The following PPM1B variants were observed in gnomAD, a reference collection of about 807,000 sequenced individuals.
PPM1B encodes the protein protein phosphatase, Mg2+/Mn2+ dependent 1B.
In PPM1B, 22 loss-of-function variants were observed where a neutral mutation model predicts 43.0. The ratio of observed to expected loss-of-function variants is 0.51; its 90% CI spans 0.37 to 0.73. The LOEUF (loss-of-function observed/expected upper bound fraction) is 0.73, where lower values mean the gene tolerates loss of function less well. Ranked by LOEUF, PPM1B falls within the 30% of genes least tolerant of loss-of-function variation. PPM1B has a pLI of 0.00. For missense variants in PPM1B, 632 were observed against 584.2 expected (o/e 1.08, Z -0.84); for synonymous variants, 217 against 197.9 (o/e 1.10, Z -0.81).
chr2:44,209,081 A>G, intron 2 of PPM1B, 129 bp from the exon 3 acceptor site: 1 of 808,994 alleles, frequency 1.2e-6, no homozygotes, highest in East Asian at 2.9e-5. Context: ...TCATTGGAAT[A>G]AAAATGAATG....
At chr2:44,199,329 A>AT (rs1374989580) in intron 1 of PPM1B, among the ~76,000 whole-genome samples, 5 of 144,842 alleles carry the variant, frequency 3.5e-5, no homozygotes, top group African/African-American at 1.3e-4. Flanking sequence ...AAAAATAAAA[A>AT]AAAAAAAAAT....
intron 1 of PPM1B, among the ~76,000 whole-genome samples, chr2:44,173,593 C>G (rs1667450600): frequency 6.6e-6 from 1 of 152,112 alleles, no homozygotes; most frequent in South Asian, 2.1e-4. Flanking sequence ...TTTACTATAA[C>G]TAATCACATC....
downstream of PPM1B, chr2:44,232,832 A>G (rs758328708): frequency 2.6e-4 from 250 of 972,988 alleles, no homozygotes; most frequent in South Asian, 6.6e-4. Context: ...AGCAATTTCT[A>G]TAGGATATGT....
At chr2:44,178,471 TA>T (rs1303801964) in intron 1 of PPM1B, among the ~76,000 whole-genome samples, 310 of 70,838 alleles carry the variant, frequency 4.4e-3, no homozygotes, top group African/African-American at 0.014. Flanking sequence ...TATATATATA[TA>T]TATTTTTTTT....
At chr2:44,180,009 CA>C (rs766537523) in intron 1 of PPM1B, among the ~76,000 whole-genome samples, 21,233 of 83,718 alleles carry the variant, frequency 0.25, 1,245 homozygotes, top group South Asian at 0.32. Flanking sequence ...AACTTCGTTC[CA>C]AAAAAAAAAA....
At chr2:44,218,773 T>C (rs1034071317) in intron 5 of PPM1B, 2 of 459,382 alleles carry the variant, frequency 4.4e-6, no homozygotes, top group Non-Finnish European at 8.1e-6. Flanking sequence ...AATGACCTTT[T>C]TTGTTTGGGC....
downstream of PPM1B, among the ~76,000 whole-genome samples, chr2:44,246,161 C>G (rs996365587): frequency 6.6e-6 from 1 of 152,160 alleles, no homozygotes; most frequent in African/African-American, 2.4e-5. Context: ...GTATGCAACC[C>G]AGAACTGAAC....
At chr2:44,170,775 A>G (rs1667298929) in intron 1 of PPM1B, among the ~76,000 whole-genome samples, 1 of 152,372 alleles carries the variant, frequency 6.6e-6, no homozygotes, top group East Asian at 1.9e-4. Context: ...TTTTAAAAAT[A>G]TAGTTGAAGT....
chr2:44,176,798 T>C (rs1350905497), intron 1 of PPM1B, among the ~76,000 whole-genome samples: 1 of 152,254 alleles, frequency 6.6e-6, no homozygotes, highest in Non-Finnish European at 1.5e-5. Flanking sequence ...AGATTGATTT[T>C]TTTAATTTTA....
At chr2:44,198,059 C>T (rs138315982) in intron 1 of PPM1B, among the ~76,000 whole-genome samples, 63 of 152,264 alleles carry the variant, frequency 4.1e-4, no homozygotes, top group Admixed American at 1.4e-3. Context: ...TCTTAAGCCA[C>T]GCTTGCCAAT....
intron 5 of PPM1B, among the ~76,000 whole-genome samples, chr2:44,220,637 T>C (rs1048508491): frequency 2.6e-5 from 4 of 152,198 alleles, no homozygotes; most frequent in Non-Finnish European, 4.4e-5. Flanking sequence ...ACCCCACCTG[T>C]GTGTCTAGTG....
chr2:44,208,451 G>T (rs1572725410), intron 2 of PPM1B, among the ~76,000 whole-genome samples: 1 of 152,040 alleles, frequency 6.6e-6, no homozygotes, highest in Non-Finnish European at 1.5e-5. Context: ...GGTGGCTCAT[G>T]CCTATAATCC....
chr2:44,181,756 T>C (rs781132171), intron 1 of PPM1B, among the ~76,000 whole-genome samples: 6 of 152,150 alleles, frequency 3.9e-5, no homozygotes, highest in Non-Finnish European at 8.8e-5. Flanking sequence ...ATGTTATATT[T>C]GAAGAGAGAT....
chr2:44,211,208 C>G (rs537885662), intron 3 of PPM1B, among the ~76,000 whole-genome samples: 6 of 152,278 alleles, frequency 3.9e-5, no homozygotes, highest in African/African-American at 1.2e-4. Context: ...TTAAATTTCC[C>G]TAATTATCCC....
chr2:44,208,937 A>G (rs1383050543), intron 2 of PPM1B, among the ~76,000 whole-genome samples: 5 of 152,206 alleles, frequency 3.3e-5, no homozygotes, highest in Non-Finnish European at 7.3e-5. Context: ...TTTAATATGT[A>G]TTGAAGATAT....
Position 44,185,660 on chromosome 2 carries a change from A to G in PPM1B, c.-14-15526A>G, listed in dbSNP as rs367787323. Among the ~76,000 whole-genome samples the G allele has an allele frequency of 9.1e-4, 139 of 152,304 alleles. 1 individual carries two copies. Among genetic ancestry groups the G allele is most frequent in the African/African-American group, 3.3e-3 (136 of 41,580 alleles). On this transcript the variant is annotated intron_variant, in intron 1 of 5. Coordinates refer to ENST00000282412, the MANE Select transcript of PPM1B (RefSeq NM_002706.6). Reference sequence around the variant, plus strand: ...GATTTCAGAGAATCTGATTTACTGAATAAATTTGTTTTCATAATCTTGCTC... The same window carrying G: ...GATTTCAGAGAATCTGATTTACTGAGTAAATTTGTTTTCATAATCTTGCTC...
In PPM1B at chr2:44,228,911, G is replaced by A. The variant is rs192246307; in HGVS notation, c.1135-1502G>A. Among the ~76,000 whole-genome samples the A allele has an allele frequency of 3.3e-5, 5 of 152,062 alleles. No individual in the cohort carries two copies. The East Asian group carries it at 7.7e-4, about 24-fold the overall frequency. ...ATGAAGATATTTTTCAGCCAGGCAC[G>A]GTAGCTCACACCTGTAATCCCAGCA... is the stretch of plus-strand genomic sequence containing the variant. On this transcript the variant is annotated intron_variant, in intron 5 of 5. Coordinates refer to ENST00000282412, the MANE Select transcript of PPM1B (RefSeq NM_002706.6).
At chr2:44,207,011 G>A (rs886982539) in intron 2 of PPM1B, among the ~76,000 whole-genome samples, 2 of 152,134 alleles carry the variant, frequency 1.3e-5, no homozygotes, top group African/African-American at 4.8e-5. Flanking sequence ...TTTCATTAAG[G>A]AATGAATTAA....
intron 5 of PPM1B, among the ~76,000 whole-genome samples, chr2:44,241,983 C>T (rs1039908632): frequency 6.6e-6 from 1 of 150,626 alleles, no homozygotes; most frequent in Non-Finnish European, 1.5e-5. Flanking sequence ...CCCAGCCTTC[C>T]GAGTAGCTGG....
Sources: allele counts gnomAD v4.1 joint callset (sites outside exome capture counted in the v4.1 genomes callset), GRCh38; gene constraint gnomAD v4.1.1; transcripts MANE v1.5; gene names NCBI Gene and HGNC (gene_info 2026-07-23, HGNC 2026-07-21).